Variants in PTPRK observed in about 807,000 individuals in gnomAD.
PTPRK encodes the protein receptor-type tyrosine-protein phosphatase kappa.
PTPRK carries 75 observed loss-of-function variants against 178.0 expected under a neutral mutation model. That is an observed-to-expected ratio of 0.42 (90% CI 0.35 to 0.51). PTPRK has a LOEUF of 0.51. PTPRK is among the 20% of genes least tolerant of loss of function. The pLI is 0.02. For missense variants in PTPRK, 1,441 were observed against 1,797.8 expected (o/e 0.80, Z 3.59); for synonymous variants, 637 against 620.6 (o/e 1.03, Z -0.39).
chr6:128,108,066 CAA>C (rs200670466), intron 7 of PTPRK, among the ~76,000 whole-genome samples: 1,331 of 124,824 alleles, frequency 0.011, 62 homozygotes, highest in Admixed American at 0.091. Flanking sequence ...CCCTAAATAG[CAA>C]AACACACACA....
Position 127,990,892 on chromosome 6 carries a change from G to GA in PTPRK, c.2980-8dup. ...AATATTTATAGCATTTAACCTAAGT[G>GA]ACAAAAAGAATATATAGACAGACCT... On this transcript the variant is annotated splice_region_variant and splice_polypyrimidine_tract_variant and intron_variant, in intron 20 of 29. Transcript: ENST00000368226. 1.3e-6 allele frequency: 2 copies of GA among 1,525,774 alleles called. No individual in the cohort carries two copies. The highest frequency in any genetic ancestry group is 1.8e-6 in the Non-Finnish European group (2 of 1,100,912). The allele number at this position is 1,525,774 out of a possible 1,614,324, so 94.5% of individuals were successfully genotyped here. A position where few individuals can be genotyped will look rare whatever the true frequency, so the allele number is the denominator to read the frequency against.
intron 7 of PTPRK, among the ~76,000 whole-genome samples, chr6:128,123,754 T>C (rs560016556): frequency 1.3e-5 from 2 of 152,290 alleles, no homozygotes; most frequent in Middle Eastern, 6.8e-3. Flanking sequence ...TTACCAGACT[T>C]CCCATGTTTA....
chr6:128,490,295 T>A (rs975580613), intron 1 of PTPRK, among the ~76,000 whole-genome samples: 1 of 152,236 alleles, frequency 6.6e-6, no homozygotes, highest in Non-Finnish European at 1.5e-5. Context: ...AATGTTAACA[T>A]GTTTGCTGAC....
At chr6:127,993,447 T>A (rs1776820981) in intron 18 of PTPRK, among the ~76,000 whole-genome samples, 1 of 151,668 alleles carries the variant, frequency 6.6e-6, no homozygotes, top group African/African-American at 2.4e-5. Context: ...CAACAAAGCA[T>A]AAGTTGTAAA....
intron 5 of PTPRK, among the ~76,000 whole-genome samples, chr6:128,237,860 A>C (rs1461290625): frequency 6.6e-6 from 1 of 152,128 alleles, no homozygotes; most frequent in Non-Finnish European, 1.5e-5. Flanking sequence ...AAAGTTGAGC[A>C]AGTTTTTTAA....
chr6:128,000,090 A>C, intron 15 of PTPRK: 5 of 970,298 alleles, frequency 5.2e-6, no homozygotes, highest in Non-Finnish European at 6.1e-6. Context: ...AAAAAAAAAA[A>C]CAAATGTTTT....
rs1562523269 is a variant in PTPRK, at chr6:128,067,571, G to A, written c.2105C>T (p.Ala702Val). The A allele has an allele frequency of 1.2e-6, 2 of 1,611,464 alleles. No homozygotes were observed. The highest frequency in any genetic ancestry group is 1.7e-6 in the Non-Finnish European group (2 of 1,178,296). The change falls in exon 12 of 30, where the codon GCT becomes GTT. Residue 702 changes from alanine (A) to valine (V), a missense_variant. This residue lies in a region of PTPRK where 945 missense variants were observed against 1,080.6 expected (regional missense o/e 0.87). Coordinates refer to ENST00000368226, the MANE Select transcript of PTPRK (RefSeq NM_002844.4). The part of the protein sequence containing the change: ...TYQGFWNPPL[A>V]PRKGYNIYFQ... ...ATAGATGTTGTATCCTTTGCGCGGA[G>A]CCAAAGGAGGGTTCCAAAAGCCTTG...
chr6:128,492,489 T>A (rs1265761200), intron 1 of PTPRK, among the ~76,000 whole-genome samples: 1 of 152,216 alleles, frequency 6.6e-6, no homozygotes, highest in Admixed American at 6.5e-5. Context: ...TGAGATCAAG[T>A]ATTTCTATAT....
intron 7 of PTPRK, among the ~76,000 whole-genome samples, chr6:128,156,822 T>C (rs1020240239): frequency 3.9e-5 from 6 of 152,012 alleles, no homozygotes; most frequent in African/African-American, 1.4e-4. Flanking sequence ...CATGTGTCTG[T>C]ATGTATATAT....
At chr6:128,320,118 G>A (rs1218264583) in intron 3 of PTPRK, among the ~76,000 whole-genome samples, 5 of 152,070 alleles carry the variant, frequency 3.3e-5, no homozygotes, top group Non-Finnish European at 1.5e-5. Flanking sequence ...CACTGGCCAG[G>A]CTGGAACTCA....
At chr6:128,256,731 C>T (rs912554301) in intron 3 of PTPRK, among the ~76,000 whole-genome samples, 6 of 151,718 alleles carry the variant, frequency 4.0e-5, no homozygotes, top group Non-Finnish European at 5.9e-5. Context: ...CAACCATGCC[C>T]GGCTGTAGGC....
chr6:128,222,228 CAAT>C (rs1810544167), intron 5 of PTPRK, among the ~76,000 whole-genome samples: 1 of 152,206 alleles, frequency 6.6e-6, no homozygotes, highest in South Asian at 2.1e-4. Flanking sequence ...GTTTCCTTCT[CAAT>C]AATCATTATT....
chr6:128,290,335 C>T (rs1310235556), intron 3 of PTPRK, among the ~76,000 whole-genome samples: 2 of 152,058 alleles, frequency 1.3e-5, no homozygotes, highest in Admixed American at 1.3e-4. Context: ...CAAAGATATG[C>T]TTAACTGCAC....
intron 1 of PTPRK, among the ~76,000 whole-genome samples, chr6:128,455,827 AG>A (rs1397220088): frequency 6.6e-6 from 1 of 152,128 alleles, no homozygotes; most frequent in Non-Finnish European, 1.5e-5. Flanking sequence ...TTCCTCCTAG[AG>A]ATGGCTATCA....
At chr6:128,003,082 G>C in intron 15 of PTPRK, 3 of 976,998 alleles carry the variant, frequency 3.1e-6, no homozygotes, top group Non-Finnish European at 4.7e-6. Context: ...TACCATGGCT[G>C]TCTATTTTCA....
intron 1 of PTPRK, among the ~76,000 whole-genome samples, chr6:128,491,244 C>G (rs1853725109): frequency 1.3e-5 from 2 of 152,194 alleles, no homozygotes; most frequent in African/African-American, 4.8e-5. Context: ...TGAAAACAGA[C>G]ATTTGCAGTC....
intron 3 of PTPRK, among the ~76,000 whole-genome samples, chr6:128,258,614 T>C (rs954900285): frequency 5.9e-5 from 9 of 152,228 alleles, no homozygotes; most frequent in Admixed American, 3.3e-4. Flanking sequence ...GATGTCTTCA[T>C]GGAAAACAGG....
At chr6:128,025,642 C>G (rs934036357) in intron 13 of PTPRK, among the ~76,000 whole-genome samples, 2 of 152,192 alleles carry the variant, frequency 1.3e-5, no homozygotes, top group African/African-American at 4.8e-5. Context: ...GGCCCCAAAG[C>G]AGTATCACTG....
intron 2 of PTPRK, among the ~76,000 whole-genome samples, chr6:128,331,303 A>G (rs1424962042): frequency 1.3e-5 from 2 of 152,134 alleles, no homozygotes; most frequent in Non-Finnish European, 1.5e-5. Flanking sequence ...TACAAAATAT[A>G]CCATATCTGT....
Sources: gnomAD v4.1 joint callset for allele counts (sites outside exome capture counted in the v4.1 genomes callset) on GRCh38, gnomAD v4.1.1 for gene constraint, gnomAD v4.1.1 regional missense constraint, MANE v1.5 for transcripts, NCBI Gene and HGNC (gene_info 2026-07-23, HGNC 2026-07-21) for gene names.